Variants in FMNL2 observed in about 807,000 individuals in gnomAD.
FMNL2 encodes the protein formin-like protein 2.
A neutral mutation model predicts 130.2 loss-of-function variants in FMNL2; 51 were observed. The ratio of observed to expected loss-of-function variants is 0.39; its 90% CI spans 0.31 to 0.49. The LOEUF is 0.49. FMNL2 is among the 20% of genes least tolerant of loss of function. The pLI is 0.85. For missense variants in FMNL2, 977 were observed against 1,316.2 expected (o/e 0.74, Z 3.99); for synonymous variants, 465 against 467.1 (o/e 1.00, Z 0.06).
At chr2:152,584,952 G>C (rs765690953) in intron 9 of FMNL2, among the ~76,000 whole-genome samples, 5 of 152,162 alleles carry the variant, frequency 3.3e-5, no homozygotes, top group Non-Finnish European at 5.9e-5. Context: ...TGCTTATGGT[G>C]GGGGTGGGAT....
At chr2:152,541,511 G>C (rs906630152) in intron 2 of FMNL2, among the ~76,000 whole-genome samples, 1 of 152,076 alleles carries the variant, frequency 6.6e-6, no homozygotes, top group Non-Finnish European at 1.5e-5. Flanking sequence ...CAGCACCTTT[G>C]TAACTGCTAC....
At chr2:152,564,524 C>G (rs1350547019) in intron 6 of FMNL2, among the ~76,000 whole-genome samples, 1 of 152,114 alleles carries the variant, frequency 6.6e-6, no homozygotes, top group African/African-American at 2.4e-5. Context: ...GAGTTCGAGA[C>G]CAGCCTGGCC....
At chr2:152,646,438 G>C (rs1007484145) in intron 25 of FMNL2, among the ~76,000 whole-genome samples, 2 of 152,098 alleles carry the variant, frequency 1.3e-5, no homozygotes, top group African/African-American at 4.8e-5. Flanking sequence ...GCTGAACCTA[G>C]AGCACAGATC....
chr2:152,426,662 A>T (rs1687218621), intron 1 of FMNL2, among the ~76,000 whole-genome samples: 3 of 151,636 alleles, frequency 2.0e-5, no homozygotes. Flanking sequence ...GATGATTCTG[A>T]TGGGCAGCTG....
chr2:152,590,723 T>G (rs1309370406), intron 9 of FMNL2, among the ~76,000 whole-genome samples: 1 of 152,008 alleles, frequency 6.6e-6, no homozygotes, highest in East Asian at 1.9e-4. Flanking sequence ...ATAATATATA[T>G]GTGTATCAGT....
chr2:152,360,112 A>T (rs1683076581), intron 1 of FMNL2, among the ~76,000 whole-genome samples: 1 of 152,212 alleles, frequency 6.6e-6, no homozygotes, highest in South Asian at 2.1e-4. Flanking sequence ...TTATCCTGTC[A>T]GAAAAGAGAA....
At chr2:152,507,710 T>A (rs760505460) in intron 1 of FMNL2, among the ~76,000 whole-genome samples, 2 of 152,214 alleles carry the variant, frequency 1.3e-5, no homozygotes, top group African/African-American at 2.4e-5. Flanking sequence ...CTGTGGACAC[T>A]GTGCTACCGT....
chr2:152,529,576 A>C (rs1052036073), intron 2 of FMNL2, among the ~76,000 whole-genome samples: 23 of 152,212 alleles, frequency 1.5e-4, no homozygotes, highest in African/African-American at 5.5e-4. Flanking sequence ...TTTGATTCTG[A>C]AACACTGGAA....
At chr2:152,561,986 G>A (rs1695557285) in intron 6 of FMNL2, among the ~76,000 whole-genome samples, 1 of 152,136 alleles carries the variant, frequency 6.6e-6, no homozygotes, top group African/African-American at 2.4e-5. Context: ...CTAGTAATGG[G>A]TTTAATATTG....
At chr2:152,497,155 T>C (rs1247449609) in intron 1 of FMNL2, among the ~76,000 whole-genome samples, 2 of 152,192 alleles carry the variant, frequency 1.3e-5, no homozygotes, top group East Asian at 3.8e-4. Context: ...CTTTCCCCCT[T>C]ATATGTAACT....
chr2:152,460,232 G>T (rs1689166674), intron 1 of FMNL2, among the ~76,000 whole-genome samples: 1 of 152,154 alleles, frequency 6.6e-6, no homozygotes, highest in Non-Finnish European at 1.5e-5. Context: ...TAGGGACAAA[G>T]AATAGCATGT....
At chr2:152,372,698 G>A (rs772576004) in intron 1 of FMNL2, among the ~76,000 whole-genome samples, 7 of 152,126 alleles carry the variant, frequency 4.6e-5, no homozygotes, top group Non-Finnish European at 1.0e-4. Context: ...CCCTTTGGGC[G>A]GCCTGAACAT....
chr2:152,491,052 C>T (rs2105282648), intron 1 of FMNL2, among the ~76,000 whole-genome samples: 1 of 152,238 alleles, frequency 6.6e-6, no homozygotes, highest in Non-Finnish European at 1.5e-5. Flanking sequence ...GGGACACAGC[C>T]CAGGTGGTTG....
At chr2:152,447,182 C>T (rs1027658150) in intron 1 of FMNL2, among the ~76,000 whole-genome samples, 5 of 151,890 alleles carry the variant, frequency 3.3e-5, no homozygotes, top group African/African-American at 1.2e-4. Context: ...CTCACTGCAG[C>T]CTTGATCTCC....
intron 4 of FMNL2, among the ~76,000 whole-genome samples, chr2:152,558,343 A>G (rs1695340193): frequency 6.6e-6 from 1 of 152,072 alleles, no homozygotes; most frequent in African/African-American, 2.4e-5. Flanking sequence ...TTTTGTGGTT[A>G]TGTTGTCATG....
chr2:152,558,877 C>A, intron 5 of FMNL2, 54 bp downstream of exon 5: 2 of 1,473,190 alleles, frequency 1.4e-6, no homozygotes, highest in Admixed American at 1.8e-5. Context: ...ACAGCAGATG[C>A]TACTCAGTGG....
intron 2 of FMNL2, among the ~76,000 whole-genome samples, chr2:152,528,488 T>C (rs1693518627): frequency 2.6e-5 from 4 of 152,196 alleles, no homozygotes. Context: ...TGTGGCTGTG[T>C]AAATCCAATC....
rs376519880 is a variant in FMNL2 at position 152,558,789 on chromosome 2, G to T, written c.409G>T (p.Val137Leu). 1 of 1,613,130 alleles carries T rather than the reference G, an allele frequency of 6.2e-7. No homozygotes were observed. The highest frequency in any genetic ancestry group is 1.7e-5 in the Admixed American group (1 of 59,928). The change falls in exon 5 of 26, where the codon GTG (valine) becomes TTG (leucine). Residue 137 changes from valine to leucine, a missense_variant. By Grantham distance (32) the Val-to-Leu change is conservative. Around this residue, in one of 4 missense-constraint regions of FMNL2, gnomAD observed 689 missense variants for 995.9 expected, o/e 0.69. Transcript: ENST00000288670. Reference protein sequence around the residue: ...NEENKGLDVLVEYLSFAQYAV... With the variant: ...NEENKGLDVLLEYLSFAQYAV... ...AGAAAACAAAGGTCTTGATGTTCTA[G>T]TGGAATATCTCTCATTTGCACAGTA... is the stretch of plus-strand genomic sequence containing the variant.
At chr2:152,424,353 T>A (rs542934121) in intron 1 of FMNL2, among the ~76,000 whole-genome samples, 1 of 152,148 alleles carries the variant, frequency 6.6e-6, no homozygotes, top group East Asian at 1.9e-4. Context: ...TGGGATTTAT[T>A]AATTGATTGA....
Sources: gnomAD v4.1 joint callset for allele counts (sites outside exome capture counted in the v4.1 genomes callset) on GRCh38, gnomAD v4.1.1 for gene constraint, gnomAD v4.1.1 regional missense constraint, MANE v1.5 for transcripts, NCBI Gene and HGNC (gene_info 2026-07-23, HGNC 2026-07-21) for gene names.